The following RGS6 variants were observed in gnomAD, a reference collection of about 807,000 sequenced individuals.
RGS6 encodes the protein regulator of G-protein signaling 6.
RGS6 carries 30 observed loss-of-function variants against 78.5 expected under a neutral mutation model. That is an observed-to-expected ratio of 0.38 (90% confidence interval 0.29 to 0.52). The LOEUF is 0.52. Ranked by LOEUF, RGS6 falls within the 20% of genes least tolerant of loss-of-function variation. RGS6 has a pLI of 0.85. For synonymous variants in RGS6, 206 were observed against 206.0 expected, an observed-to-expected ratio of 1.00 and a Z score of 0.00; for missense variants, 495 against 609.7, an observed-to-expected ratio of 0.81 and a Z score of 1.98.
At chr14:72,371,383 G>A (rs1036536108) in intron 3 of RGS6, among the ~76,000 whole-genome samples, 3 of 152,092 alleles carry the variant, frequency 2.0e-5, no homozygotes, top group African/African-American at 7.2e-5. Flanking sequence ...ATGAAGGAAG[G>A]AAAAGACAGG....
At chr14:72,426,912 C>T (rs539883685) in intron 3 of RGS6, among the ~76,000 whole-genome samples, 1 of 152,338 alleles carries the variant, frequency 6.6e-6, no homozygotes, top group Admixed American at 6.5e-5. Flanking sequence ...AAGGCTAAAT[C>T]ATAAACATTC....
intron 2 of RGS6, among the ~76,000 whole-genome samples, chr14:72,319,121 A>G (rs2071137738): frequency 6.6e-6 from 1 of 152,222 alleles, no homozygotes; most frequent in Admixed American, 6.5e-5. Context: ...CACTACAAAG[A>G]TATTATAATA....
At chr14:72,347,979 G>C (rs1596087852) in intron 2 of RGS6, among the ~76,000 whole-genome samples, 2 of 152,196 alleles carry the variant, frequency 1.3e-5, no homozygotes, top group Non-Finnish European at 2.9e-5. Context: ...GGGTTGTATA[G>C]TGTAAGGGGC....
chr14:72,355,067 C>G (rs908203756), intron 3 of RGS6, among the ~76,000 whole-genome samples: 2 of 152,070 alleles, frequency 1.3e-5, no homozygotes, highest in Admixed American at 1.3e-4. Flanking sequence ...TTATGCTAGC[C>G]TCATAAATGA....
intron 12 of RGS6, among the ~76,000 whole-genome samples, chr14:72,486,680 C>A (rs2096493110): frequency 1.3e-5 from 2 of 152,284 alleles, no homozygotes; most frequent in Middle Eastern, 6.8e-3. Flanking sequence ...TAGGCACAAA[C>A]CCAAAAGCCT....
intron 2 of RGS6, among the ~76,000 whole-genome samples, chr14:72,334,812 T>C (rs558497278): frequency 6.6e-6 from 1 of 152,130 alleles, no homozygotes; most frequent in African/African-American, 2.4e-5. Context: ...CCCCACAGGG[T>C]CTGGCTGCCT....
At chr14:72,598,131 G>A in the RGS6 span, among the ~76,000 whole-genome samples, 1 of 152,254 alleles carries the variant, frequency 6.6e-6, no homozygotes, top group South Asian at 2.1e-4. Flanking sequence ...CAGGGGCATT[G>A]TGGGGAGAAG....
At chr14:72,167,587 CTT>C (rs1161564778) in intron 2 of RGS6, among the ~76,000 whole-genome samples, 2 of 152,170 alleles carry the variant, frequency 1.3e-5, no homozygotes, top group Non-Finnish European at 2.9e-5. Flanking sequence ...TGAAAGGAAA[CTT>C]TGCTGTGTGC....
At chr14:72,112,495 G>A (rs554819246) in intron 2 of RGS6, among the ~76,000 whole-genome samples, 5 of 152,132 alleles carry the variant, frequency 3.3e-5, no homozygotes, top group African/African-American at 1.2e-4. Flanking sequence ...TTAATTAGAA[G>A]GCCTGTCATA....
At chr14:72,467,561 T>C (rs952350505) in intron 7 of RGS6, among the ~76,000 whole-genome samples, 9 of 152,090 alleles carry the variant, frequency 5.9e-5, no homozygotes, top group East Asian at 1.9e-4. Flanking sequence ...GCGCATGCCA[T>C]TGGGGAGCAG....
chr14:71,982,102 C>T (rs2094494166), intron 2 of RGS6, among the ~76,000 whole-genome samples: 1 of 152,220 alleles, frequency 6.6e-6, no homozygotes, highest in Non-Finnish European at 1.5e-5. Context: ...CTCCCTGACC[C>T]CTTGCGCTTC....
intron 1 of RGS6, among the ~76,000 whole-genome samples, chr14:71,950,535 T>G (rs2092185644): frequency 6.6e-6 from 1 of 151,940 alleles, no homozygotes; most frequent in African/African-American, 2.4e-5. Context: ...GACAAAAACA[T>G]CAAAAGCAAT....
At chr14:72,458,404 A>G (rs1300028158) in intron 5 of RGS6, 27 bp downstream of exon 5, 2 of 1,538,848 alleles carry the variant, frequency 1.3e-6, no homozygotes, top group Non-Finnish European at 1.8e-6. Flanking sequence ...CTCCTCCTGA[A>G]GAACCTTTTC....
the RGS6 span, among the ~76,000 whole-genome samples, chr14:71,926,583 CAGAA>C: frequency 1.9e-5 from 1 of 53,350 alleles, no homozygotes; most frequent in Admixed American, 2.4e-4. Context: ...GACTCTGTCT[CAGAA>C]AAAAAAAAAA....
chr14:72,562,855 C>A lies in RGS6; in HGVS notation c.*388C>A. 8.8e-7 allele frequency: 1 copy of A among 1,130,950 alleles called. No individual in the cohort carries two copies. Among genetic ancestry groups the A allele is most frequent in the South Asian group, 1.3e-5 (1 of 75,434 alleles). The allele number at this position is 1,130,950 out of a possible 1,614,324, so 70.1% of individuals were successfully genotyped here. ...CCTCGCTGTCTGGAGACGGTCACACCTTCTGGCAAATTCAAGAGGCATGAG... is the reference window on the plus strand; with the variant it reads ...CCTCGCTGTCTGGAGACGGTCACACATTCTGGCAAATTCAAGAGGCATGAG... On this transcript the variant is annotated 3_prime_UTR_variant, in exon 18 of 18. Coordinates refer to ENST00000553525, the MANE Select transcript of RGS6 (RefSeq NM_001204424.2).
At chr14:72,203,537 G>A (rs2042047891) in intron 2 of RGS6, among the ~76,000 whole-genome samples, 1 of 152,148 alleles carries the variant, frequency 6.6e-6, no homozygotes, top group South Asian at 2.1e-4. Flanking sequence ...TCACACATGT[G>A]GTTGTTGGCT....
At chr14:72,429,247 T>C (rs1369817658) in intron 3 of RGS6, among the ~76,000 whole-genome samples, 2 of 152,210 alleles carry the variant, frequency 1.3e-5, no homozygotes, top group Admixed American at 6.5e-5. Context: ...CCAAGTGATA[T>C]TGATACTGCT....
intron 2 of RGS6, among the ~76,000 whole-genome samples, chr14:72,162,723 T>C (rs1012829082): frequency 6.6e-6 from 1 of 151,972 alleles, no homozygotes; most frequent in Non-Finnish European, 1.5e-5. Context: ...CAATTCGCAA[T>C]TGCAAAAATA....
intron 2 of RGS6, among the ~76,000 whole-genome samples, chr14:72,337,555 G>A (rs1049985325): frequency 8.5e-5 from 13 of 152,222 alleles, no homozygotes; most frequent in African/African-American, 3.1e-4. Flanking sequence ...AACATGAGCA[G>A]TGAGGTGACC....
Sources: allele counts gnomAD v4.1 joint callset (sites outside exome capture counted in the v4.1 genomes callset), GRCh38; gene constraint gnomAD v4.1.1; transcripts MANE v1.5; gene names NCBI Gene and HGNC (gene_info 2026-07-23, HGNC 2026-07-21).